Variants in CSNK1G2 observed in about 807,000 individuals in gnomAD.
CSNK1G2 encodes casein kinase I isoform gamma-2.
In CSNK1G2, 11 loss-of-function variants were observed where a neutral mutation model predicts 48.0. That is an observed-to-expected ratio of 0.23 (90% CI 0.14 to 0.38). The LOEUF (loss-of-function observed/expected upper bound fraction) is 0.38, where lower values mean the gene tolerates loss of function less well. Among genes scored for constraint, CSNK1G2 ranks in the 10% least tolerant of loss-of-function variants. CSNK1G2 has a pLI of 1.00. For missense variants in CSNK1G2, 446 were observed against 595.5 expected (o/e 0.75, Z 2.61); for synonymous variants, 337 against 254.1 (o/e 1.33, Z -3.10).
chr19:1,965,354 G>A (rs2015334022), intron 1 of CSNK1G2, among the ~76,000 whole-genome samples: 1 of 145,876 alleles, frequency 6.9e-6, no homozygotes, highest in Non-Finnish European at 1.5e-5. Flanking sequence ...CTGCACTCCA[G>A]CCTGGGCGAC....
intron 1 of CSNK1G2, chr19:1,953,504 A>T (rs2145515068): frequency 1.9e-6 from 1 of 533,128 alleles, no homozygotes; most frequent in East Asian, 5.5e-5. Context: ...CCGTTTGCAT[A>T]ATCTGAATTT....
intron 1 of CSNK1G2, among the ~76,000 whole-genome samples, chr19:1,962,086 T>C (rs1186884001): frequency 1.3e-5 from 2 of 152,210 alleles, no homozygotes; most frequent in Non-Finnish European, 2.9e-5. Flanking sequence ...TCCCAACACT[T>C]TGGGAGGCCG....
intron 1 of CSNK1G2, chr19:1,952,389 C>G (rs113156287): frequency 6.6e-6 from 1 of 151,746 alleles, no homozygotes; most frequent in East Asian, 1.9e-4. Flanking sequence ...GTGGTGCCAT[C>G]TTGGCTTACT....
At chr19:1,953,595 C>T in intron 1 of CSNK1G2, 1 of 454,712 alleles carries the variant, frequency 2.2e-6, no homozygotes, top group South Asian at 1.6e-5. Context: ...CCTTATGTGT[C>T]CGGTGCTGGG....
chr19:1,941,853 C>A (rs947254633), intron 1 of CSNK1G2, among the ~76,000 whole-genome samples: 1 of 150,288 alleles, frequency 6.7e-6, no homozygotes, highest in Non-Finnish European at 1.5e-5. Flanking sequence ...TTAGTCCCCA[C>A]CCCACCTCCC....
In CSNK1G2 at chr19:1,980,517, G is replaced by C. The variant is rs907996712; in HGVS notation, c.*314G>C. Reference sequence around the variant, plus strand: ...CGCCCTACCCCACTCCTGCCCCTCCGTTTCTTTGCTGAAGTGAGTAGTGTG... The same window carrying C: ...CGCCCTACCCCACTCCTGCCCCTCCCTTTCTTTGCTGAAGTGAGTAGTGTG... On this transcript the variant is annotated 3_prime_UTR_variant, in exon 12 of 12. Transcript: ENST00000255641. The C allele has an allele frequency of 1.2e-5, 5 of 420,500 alleles. No homozygotes were observed. Among genetic ancestry groups the C allele is most frequent in the South Asian group, 2.4e-5 (1 of 41,532 alleles). 26.0% of individuals were successfully genotyped at this position (420,500 alleles called of 1,614,324 possible). A position where few individuals can be genotyped will look rare whatever the true frequency, so the allele number is the denominator to read the frequency against.
chr19:1,979,372 G>C lies in CSNK1G2; in HGVS notation c.822G>C (p.Thr274=). 6.2e-7 allele frequency: 1 copy of C among 1,602,856 alleles called. No individual in the cohort carries two copies. The highest frequency in any genetic ancestry group is 8.5e-7 in the Non-Finnish European group (1 of 1,176,144). Residue 274 remains threonine, a synonymous_variant, in exon 8 of 12, where the codon ACG becomes ACC. Transcript: ENST00000255641. The stretch of plus-strand genomic sequence containing the variant: ...AGATCGGGGACACCAAACGCGCCAC[G>C]CCCATCGAGGTGCTCTGCGAGAACT... ...YQKIGDTKRA[T]PIEVLCENFP... is the part of the protein sequence containing the mutation.
intron 1 of CSNK1G2, among the ~76,000 whole-genome samples, chr19:1,965,256 G>T (rs926447898): frequency 6.7e-6 from 1 of 150,290 alleles, no homozygotes; most frequent in Admixed American, 6.6e-5. Context: ...GGTGGCGGGC[G>T]CCTTTAGTCC....
At chr19:1,954,001 G>C in intron 1 of CSNK1G2, 1 of 533,808 alleles carries the variant, frequency 1.9e-6, no homozygotes. Flanking sequence ...CCTTGGTCTG[G>C]TGTCTGCAGT....
intron 2 of CSNK1G2, chr19:1,975,436 C>A (rs550496323): frequency 2.0e-6 from 2 of 985,346 alleles, no homozygotes; most frequent in African/African-American, 3.5e-5. Flanking sequence ...GCCGGAACTC[C>A]GCTCTGGAGA....
At chr19:1,961,069 C>T (rs1340715004) in intron 1 of CSNK1G2, among the ~76,000 whole-genome samples, 7 of 152,200 alleles carry the variant, frequency 4.6e-5, no homozygotes, top group South Asian at 2.1e-4. Flanking sequence ...GTGGATGCGT[C>T]GCCCCCGCAT....
At chr19:1,970,823 C>T (rs991340097) in intron 2 of CSNK1G2, among the ~76,000 whole-genome samples, 3 of 152,148 alleles carry the variant, frequency 2.0e-5, no homozygotes, top group Non-Finnish European at 4.4e-5. Flanking sequence ...TGGGAAAGAG[C>T]GCAGGATGGG....
rs759568132 is a variant in CSNK1G2 at position 1,969,751 on chromosome 19, G to C, written c.-22G>C. 7.8e-7 allele frequency: 1 copy of C among 1,282,538 alleles called. No homozygotes were observed. Among genetic ancestry groups the C allele is most frequent in the Non-Finnish European group, 9.9e-7 (1 of 1,007,330 alleles). The allele number at this position is 1,282,538 out of a possible 1,614,324, so 79.4% of individuals were successfully genotyped here. ...TGCACGGCAGCAGAGTCACCGTGGA[G>C]AGGCCAGGGTATCACAAACTTATGG... On this transcript the variant is annotated 5_prime_UTR_variant, in exon 2 of 12. Transcript: ENST00000255641.
intron 2 of CSNK1G2, among the ~76,000 whole-genome samples, chr19:1,973,219 G>T (rs1272271264): frequency 6.9e-6 from 1 of 144,596 alleles, no homozygotes; most frequent in Non-Finnish European, 1.5e-5. Context: ...GAGCCACCGC[G>T]CCTGGCCTTG....
At chr19:1,943,698 G>A (rs974161053) in intron 1 of CSNK1G2, among the ~76,000 whole-genome samples, 4 of 152,182 alleles carry the variant, frequency 2.6e-5, no homozygotes, top group Admixed American at 6.5e-5. Flanking sequence ...CAGCAGATGC[G>A]TCCGCAGAGC....
At chr19:1,961,418 C>T (rs926572701) in intron 1 of CSNK1G2, among the ~76,000 whole-genome samples, 1 of 152,264 alleles carries the variant, frequency 6.6e-6, no homozygotes, top group African/African-American at 2.4e-5. Context: ...GAGTCTCCAG[C>T]CCATGCTGAG....
In CSNK1G2 at chr19:1,978,517, G is replaced by A. The variant is rs998579549; in HGVS notation, c.298+6G>A. 8.2e-6 allele frequency: 13 copies of A among 1,577,982 alleles called. No homozygotes were observed. In the East Asian group the frequency reaches 1.2e-4, roughly 14 times the overall value. On this transcript the variant is annotated splice_donor_region_variant and intron_variant, in intron 4 of 11. Transcript: ENST00000255641. The surrounding 1 kb of genome is among the most constrained non-coding windows in gnomAD (Gnocchi z 7.3). The stretch of plus-strand genomic sequence containing the variant: ...CAAGCAGCTCAGCGCCACAGGTACC[G>A]GGCGGCCCGCGGGTGGGGCGGGGGC...
chr19:1,955,189 G>T (rs1271206226), intron 1 of CSNK1G2, among the ~76,000 whole-genome samples: 1 of 152,144 alleles, frequency 6.6e-6, no homozygotes, highest in African/African-American at 2.4e-5. Flanking sequence ...AAGCTGCTGA[G>T]TCTTGGAGTG....
At position 1,980,508 on chromosome 19, in the gene CSNK1G2, T is replaced by A; in HGVS notation, c.*305T>A. On this transcript the variant is annotated 3_prime_UTR_variant, in exon 12 of 12. Transcript: ENST00000255641. ...ACAGAGGCCCGCCCTACCCCACTCCTGCCCCTCCGTTTCTTTGCTGAAGTG... is the reference window on the plus strand; with the variant it reads ...ACAGAGGCCCGCCCTACCCCACTCCAGCCCCTCCGTTTCTTTGCTGAAGTG... 2.3e-6 allele frequency: 1 copy of A among 427,030 alleles called. No individual in the cohort carries two copies. Among genetic ancestry groups the A allele is most frequent in the Non-Finnish European group, 4.2e-6 (1 of 236,256 alleles). The allele number at this position is 427,030 out of a possible 1,614,324, so 26.5% of individuals were successfully genotyped here.
Sources: gnomAD v4.1 joint callset for allele counts (sites outside exome capture counted in the v4.1 genomes callset) on GRCh38, gnomAD v4.1.1 for gene constraint, Gnocchi (gnomAD v3.1) non-coding constraint, MANE v1.5 for transcripts, NCBI Gene and HGNC (gene_info 2026-07-23, HGNC 2026-07-21) for gene names.